Variants in CDH9 observed in about 807,000 individuals in gnomAD.
The protein encoded by CDH9 is cadherin 9, also known as cadherin-9.
Under a neutral mutation model 70.9 loss-of-function variants are expected in CDH9, and 28 were observed. The observed-to-expected ratio is 0.40, with a 90% CI of 0.29 to 0.54. The LOEUF is 0.54. CDH9 is among the 20% of genes least tolerant of loss of function. The pLI is 0.59. For missense variants in CDH9, 874 were observed against 984.4 expected, an observed-to-expected ratio of 0.89 and a Z score of 1.50; for synonymous variants, 409 against 343.1, an observed-to-expected ratio of 1.19 and a Z score of -2.12.
chr5:26,979,015 T>C (rs1346988672), intron 2 of CDH9, among the ~76,000 whole-genome samples: 6 of 151,590 alleles, frequency 4.0e-5, no homozygotes, highest in African/African-American at 7.3e-5. Context: ...ATCCTTCAAG[T>C]TGAAGGGAAA....
chr5:26,891,416 C>T (rs561385269), intron 7 of CDH9, among the ~76,000 whole-genome samples: 116 of 152,268 alleles, frequency 7.6e-4, no homozygotes, highest in African/African-American at 2.6e-3. Flanking sequence ...CGGTGGCTCA[C>T]GCCTGTAATC....
At chr5:27,013,458 C>A (rs534089906) in intron 1 of CDH9, among the ~76,000 whole-genome samples, 3 of 151,904 alleles carry the variant, frequency 2.0e-5, no homozygotes, top group African/African-American at 4.8e-5. Context: ...TCCCTCTTTC[C>A]GAACATAGGA....
intron 2 of CDH9, among the ~76,000 whole-genome samples, chr5:26,920,433 G>A (rs999322645): frequency 5.9e-5 from 9 of 151,956 alleles, no homozygotes; most frequent in African/African-American, 2.2e-4. Context: ...CTAGGACCAG[G>A]GGAAACTCAC....
chr5:26,970,688 C>A (rs1340827983), intron 2 of CDH9, among the ~76,000 whole-genome samples: 1 of 151,926 alleles, frequency 6.6e-6, no homozygotes, highest in Non-Finnish European at 1.5e-5. Flanking sequence ...GTAATCAGAA[C>A]CTTCATTGCT....
chr5:27,005,618 A>G lies in CDH9; in HGVS notation c.-49-17236T>C, dbSNP rs116173546. 7.0e-3 allele frequency among the ~76,000 whole-genome samples: 1,060 copies of G among 152,252 alleles called. 13 individuals carry two copies. Among genetic ancestry groups the G allele is most frequent in the African/African-American group, 0.024 (1,017 of 41,560 alleles). ...GGAAAGCAGGATAGCAATGCCTCAA[A>G]GAACTAAAAGCAGAATTACCATTCG... On this transcript the variant is annotated intron_variant, in intron 1 of 11. Transcript: ENST00000231021.
intron 2 of CDH9, among the ~76,000 whole-genome samples, chr5:26,968,283 A>G (rs1467942230): frequency 2.3e-5 from 3 of 129,796 alleles, no homozygotes. Flanking sequence ...TGTCTGAGGT[A>G]TTTTTATTTT....
At position 26,885,688 on chromosome 5, in the gene CDH9, T is replaced by C. The variant is rs34490509; in HGVS notation, c.1808A>G (p.Glu603Gly). The change falls in exon 11 of 12, where the codon GAA (glutamate) becomes GGA (glycine). Residue 603 changes from glutamate (E) to glycine (G), a missense_variant. Physicochemically the swap from Glu to Gly is moderately conservative, Grantham distance 98. Transcript: ENST00000231021. ...NQGNMQSCTA[E>G]ALILSAGLST... ...CAGGCCGGCTGAAAGGATCAGGGCTTCTGCGGTGCAGGATTGCATGTTTCC... is the reference window on the plus strand; with the variant it reads ...CAGGCCGGCTGAAAGGATCAGGGCTCCTGCGGTGCAGGATTGCATGTTTCC... The C allele has an allele frequency of 6.9e-3, 11,185 of 1,613,688 alleles. 81 individuals carry two copies. Among genetic ancestry groups the C allele is most frequent in the Middle Eastern group, 0.014 (85 of 6,050 alleles).
intron 2 of CDH9, among the ~76,000 whole-genome samples, chr5:26,934,487 C>G (rs1741524901): frequency 6.6e-6 from 1 of 152,010 alleles, no homozygotes; most frequent in South Asian, 2.1e-4. Flanking sequence ...ATAGTAAGAA[C>G]TCATTCACTC....
At chr5:27,024,086 T>C (rs1042779849) in intron 1 of CDH9, among the ~76,000 whole-genome samples, 7 of 151,606 alleles carry the variant, frequency 4.6e-5, no homozygotes, top group African/African-American at 1.7e-4. Flanking sequence ...ATAATAAAAA[T>C]AAACATAGAA....
At chr5:26,906,974 T>G in intron 3 of CDH9, 136 bp from the exon 4 acceptor site, 1 of 1,272,484 alleles carries the variant, frequency 7.9e-7, no homozygotes, top group South Asian at 2.8e-5. Context: ...TTTAAATACT[T>G]CCTCAAAAAA....
chr5:26,967,649 G>A (rs981964430), intron 2 of CDH9, among the ~76,000 whole-genome samples: 3 of 152,078 alleles, frequency 2.0e-5, no homozygotes, highest in East Asian at 1.9e-4. Flanking sequence ...CATTCTAGAT[G>A]TACTCACAAC....
chr5:27,032,196 T>C (rs557318709), intron 1 of CDH9, among the ~76,000 whole-genome samples: 104 of 151,780 alleles, frequency 6.9e-4, no homozygotes, highest in Admixed American at 2.0e-3. Flanking sequence ...TTATTATTGA[T>C]ATTCACCATT....
In CDH9 at chr5:26,893,013, G is replaced by A. The variant is rs373409041; in HGVS notation, c.1254-2449C>T. 4.8e-4 allele frequency among the ~76,000 whole-genome samples: 73 copies of A among 152,244 alleles called. 1 individual carries two copies. The highest frequency in any genetic ancestry group is 1.5e-3 in the African/African-American group (64 of 41,558). On this transcript the variant is annotated intron_variant, in intron 7 of 11. Coordinates refer to ENST00000231021, the MANE Select transcript of CDH9 (RefSeq NM_016279.4). ...CTCCCAAAGTGCTAGGACTACAGGCGTGAACCACCACACCCTGCCAGTATT... is the reference window on the plus strand; with the variant it reads ...CTCCCAAAGTGCTAGGACTACAGGCATGAACCACCACACCCTGCCAGTATT...
At chr5:26,891,422 T>C (rs1165859626) in intron 7 of CDH9, among the ~76,000 whole-genome samples, 1 of 152,150 alleles carries the variant, frequency 6.6e-6, no homozygotes, top group Non-Finnish European at 1.5e-5. Context: ...CTCACGCCTG[T>C]AATCCCAAAA....
intron 2 of CDH9, among the ~76,000 whole-genome samples, chr5:26,979,837 TA>T (rs1480454880): frequency 6.6e-6 from 1 of 151,618 alleles, no homozygotes; most frequent in African/African-American, 2.4e-5. Context: ...ATCAGAAATA[TA>T]AAGAAAGATC....
intron 7 of CDH9, 105 bp downstream of exon 7, chr5:26,902,371 T>C: frequency 2.9e-6 from 2 of 700,506 alleles, no homozygotes; most frequent in Non-Finnish European, 4.7e-6. Context: ...ATTGGTATTA[T>C]TACTGTGCTT....
Position 26,903,718 on chromosome 5 carries a change from G to A in CDH9, c.918C>T (p.Ser306=). The A allele has an allele frequency of 6.2e-7, 1 of 1,606,692 alleles. No homozygotes were observed. Among genetic ancestry groups the A allele is most frequent in the Non-Finnish European group, 8.5e-7 (1 of 1,174,640 alleles). Residue 306 remains serine (S), a synonymous_variant, in exon 6 of 12, where the codon AGC becomes AGT. Transcript: ENST00000231021. ...TGTCTGCACCATCTCCTTCAGCAATGCTATACTCCATTTCTGCATTTTCCC... is the reference window on the plus strand; with the variant it reads ...TGTCTGCACCATCTCCTTCAGCAATACTATACTCCATTTCTGCATTTTCCC... ...DVGENAEMEY[S]IAEGDGADMF...
At chr5:26,918,617 G>A (rs533158901) in intron 2 of CDH9, among the ~76,000 whole-genome samples, 21 of 152,314 alleles carry the variant, frequency 1.4e-4, no homozygotes, top group Middle Eastern at 3.4e-3. Context: ...AAAGTGGATT[G>A]CACACCTCAG....
At position 26,940,041 on chromosome 5, in the gene CDH9, C is replaced by A. The variant is rs150531152; in HGVS notation, c.229-24117G>T. ...AAGCATGGTGGTGCATGCCTGTAAT[C>A]CCAGCTAGTCAGGAGACTGAGGCAG... On this transcript the variant is annotated intron_variant, in intron 2 of 11. Coordinates refer to ENST00000231021, the MANE Select transcript of CDH9 (RefSeq NM_016279.4). 4.5e-3 allele frequency among the ~76,000 whole-genome samples: 685 copies of A among 151,968 alleles called. 1 individual carries two copies. The highest frequency in any genetic ancestry group is 7.2e-3 in the Non-Finnish European group (492 of 67,968).
Sources: allele counts gnomAD v4.1 joint callset (sites outside exome capture counted in the v4.1 genomes callset), GRCh38; gene constraint gnomAD v4.1.1; transcripts MANE v1.5; gene names NCBI Gene and HGNC (gene_info 2026-07-23, HGNC 2026-07-21).